CHP1: variants seen among roughly 807,000 people sequenced by gnomAD.
CHP1 encodes calcineurin B homologous protein 1.
Under a neutral mutation model 27.4 loss-of-function variants are expected in CHP1, and 11 were observed. The ratio of observed to expected loss-of-function variants is 0.40; its 90% CI spans 0.25 to 0.67. The LOEUF is 0.67. CHP1 is among the 30% of genes least tolerant of loss of function. The probability of loss-of-function intolerance (pLI) is 0.38; values close to 1 mark genes in which losing one functional copy is unlikely to be tolerated. For synonymous variants in CHP1, 89 were observed against 87.4 expected (o/e 1.02, Z -0.10); for missense variants, 169 against 251.3 (o/e 0.67, Z 2.22).
intron 4 of CHP1, among the ~76,000 whole-genome samples, chr15:41,268,783 T>C (rs1301477190): frequency 1.3e-5 from 2 of 151,794 alleles, no homozygotes; most frequent in African/African-American, 2.4e-5. Flanking sequence ...TGAAACCCTG[T>C]CTGTACTAAA....
intron 2 of CHP1, among the ~76,000 whole-genome samples, chr15:41,252,465 C>G (rs2047374967): frequency 6.6e-6 from 1 of 152,166 alleles, no homozygotes; most frequent in African/African-American, 2.4e-5. Flanking sequence ...CCACGCCCGG[C>G]CTGGAAAGCT....
chr15:41,252,072 T>A (rs934231616), intron 2 of CHP1, among the ~76,000 whole-genome samples: 1 of 151,774 alleles, frequency 6.6e-6, no homozygotes, highest in Non-Finnish European at 1.5e-5. Flanking sequence ...AAATACTGAT[T>A]AAGTGCTTTA....
intron 1 of CHP1, 88 bp from the exon 2 acceptor site, chr15:41,243,579 G>A: frequency 2.0e-6 from 2 of 994,518 alleles, no homozygotes; most frequent in Non-Finnish European, 3.1e-6. Context: ...CAGTCCTACT[G>A]AATTTTGAAG....
At chr15:41,237,754 G>A (rs1047577019) in intron 1 of CHP1, among the ~76,000 whole-genome samples, 5 of 151,932 alleles carry the variant, frequency 3.3e-5, no homozygotes, top group Non-Finnish European at 5.9e-5. Context: ...TTGAGATGGA[G>A]TCTCGTTCTG....
intron 2 of CHP1, among the ~76,000 whole-genome samples, chr15:41,250,018 T>C (rs1376847008): frequency 1.3e-5 from 2 of 150,164 alleles, no homozygotes; most frequent in East Asian, 3.9e-4. Flanking sequence ...TTCTTCAGAG[T>C]GCTTTCAGAG....
rs530113470 is a variant in CHP1, at chr15:41,269,684, A to G, written c.350-873A>G. Among the ~76,000 whole-genome samples, 206 of 152,274 alleles carry G rather than the reference A, an allele frequency of 1.4e-3. 1 individual carries two copies. The highest frequency in any genetic ancestry group is 4.8e-3 in the African/African-American group (198 of 41,552). On this transcript the variant is annotated intron_variant, in intron 4 of 6. Coordinates refer to ENST00000334660, the MANE Select transcript of CHP1 (RefSeq NM_007236.5). ...GTTCCTAAGGACAGAGTCTAAATCC[A>G]TGGATCTTAATAGCTCTAGAGCAGT...
chr15:41,262,666 C>T (rs542674826), intron 3 of CHP1, 90 bp from the exon 4 acceptor site: 47 of 1,512,092 alleles, frequency 3.1e-5, no homozygotes, highest in South Asian at 9.5e-5. Context: ...TTCAGGCTAC[C>T]GTAGCTAAAG....
chr15:41,260,201 C>A (rs1047343485), intron 3 of CHP1, among the ~76,000 whole-genome samples: 1 of 151,540 alleles, frequency 6.6e-6, no homozygotes, highest in Admixed American at 6.6e-5. Flanking sequence ...CCACAGGAAC[C>A]AGGCCATCTG....
In CHP1 at chr15:41,278,838, G is replaced by A. The variant is rs763055225; in HGVS notation, c.483G>A (p.Gln161=). ...GCAGCATCGCAGACAGGACCATTCA[G>A]GAGGCTGATCAGGATGGGGACAGTG... is the stretch of plus-strand genomic sequence containing the variant. The part of the protein sequence containing the change: ...QLGSIADRTI[Q]EADQDGDSAI... The change falls in exon 6 of 7, where the codon CAG becomes CAA. Residue 161 remains glutamine (Q), a synonymous_variant. Transcript: ENST00000334660. 1.2e-6 allele frequency: 2 copies of A among 1,614,206 alleles called. No homozygotes were observed. Among genetic ancestry groups the A allele is most frequent in the Non-Finnish European group, 1.7e-6 (2 of 1,180,034 alleles).
chr15:41,247,091 C>G (rs966807063), intron 2 of CHP1, among the ~76,000 whole-genome samples: 1 of 151,844 alleles, frequency 6.6e-6, no homozygotes, highest in African/African-American at 2.4e-5. Context: ...AAGGGCCAAG[C>G]GCAGTGGCTT....
intron 2 of CHP1, among the ~76,000 whole-genome samples, chr15:41,247,396 G>T (rs555147797): frequency 8.9e-4 from 135 of 151,852 alleles, no homozygotes; most frequent in Middle Eastern, 3.4e-3. Context: ...CTGGCCGGTT[G>T]TGGTGGCTCA....
chr15:41,271,125 G>A (rs2047487165), intron 5 of CHP1, among the ~76,000 whole-genome samples: 1 of 151,934 alleles, frequency 6.6e-6, no homozygotes, highest in South Asian at 2.1e-4. Flanking sequence ...TGTGGTGGCG[G>A]GCACCTGTAG....
chr15:41,269,362 T>C (rs1167033206), intron 4 of CHP1, among the ~76,000 whole-genome samples: 2 of 152,226 alleles, frequency 1.3e-5, no homozygotes, highest in Non-Finnish European at 2.9e-5. Context: ...TTTTATGTCA[T>C]CTTAGTGGAC....
chr15:41,239,398 G>GTTTGT (rs964159928), intron 1 of CHP1, among the ~76,000 whole-genome samples: 9 of 149,330 alleles, frequency 6.0e-5, no homozygotes, highest in East Asian at 5.9e-4. Context: ...TTTTGTTATC[G>GTTTGT]TTTGTTTTGT....
intron 1 of CHP1, among the ~76,000 whole-genome samples, chr15:41,242,622 A>C (rs894379359): frequency 7.2e-5 from 11 of 151,918 alleles, no homozygotes; most frequent in Non-Finnish European, 1.3e-4. Flanking sequence ...TCTGTCCCCC[A>C]AAAATAAAAT....
chr15:41,247,173 G>A (rs28568756), intron 2 of CHP1, among the ~76,000 whole-genome samples: 78,985 of 151,488 alleles, frequency 0.52, 22,609 homozygotes, highest in African/African-American at 0.77. Flanking sequence ...GTTTGAGATC[G>A]GCCTGGCCGA....
rs1172991985 is a variant in CHP1 at position 41,278,893 on chromosome 15, G to T, written c.534+4G>T. On this transcript the variant is annotated splice_donor_region_variant and intron_variant, in intron 6 of 6. Transcript: ENST00000334660. The stretch of plus-strand genomic sequence containing the variant: ...ATCTTTCACAGAATTTGTTAAGGTT[G>T]GTCACTTACTTCTTGTTTGAAAAAG... The T allele has an allele frequency of 3.1e-6, 5 of 1,613,944 alleles. No homozygotes were observed. Among genetic ancestry groups the T allele is most frequent in the Non-Finnish European group, 4.2e-6 (5 of 1,179,922 alleles).
chr15:41,254,648 AG>A (rs1445740893), intron 2 of CHP1, among the ~76,000 whole-genome samples: 1 of 152,246 alleles, frequency 6.6e-6, no homozygotes, highest in Admixed American at 6.5e-5. Context: ...ACTAGAATCC[AG>A]GATGATTGTT....
chr15:41,261,915 C>T (rs1027747534), intron 3 of CHP1, among the ~76,000 whole-genome samples: 9 of 151,368 alleles, frequency 5.9e-5, no homozygotes, highest in African/African-American at 1.7e-4. Flanking sequence ...TCGCTTGAAC[C>T]AGGGAGGCGG....
Sources: gnomAD v4.1 joint callset for allele counts (sites outside exome capture counted in the v4.1 genomes callset) on GRCh38, gnomAD v4.1.1 for gene constraint, MANE v1.5 for transcripts, NCBI Gene and HGNC (gene_info 2026-07-23, HGNC 2026-07-21) for gene names.